LHFPL3: variants seen among roughly 807,000 people sequenced by gnomAD.
The protein encoded by LHFPL3 is LHFPL tetraspan subfamily member 3 protein.
Under a neutral mutation model 19.3 loss-of-function variants are expected in LHFPL3, and 5 were observed. That is an observed-to-expected ratio of 0.26 (90% CI 0.14 to 0.54). LHFPL3 has a LOEUF of 0.54. LHFPL3 is among the 20% of genes least tolerant of loss of function. The probability of loss-of-function intolerance (pLI) is 0.94; values close to 1 mark genes in which losing one functional copy is unlikely to be tolerated. For missense variants in LHFPL3, 249 were observed against 307.4 expected (o/e 0.81, Z 1.42); for synonymous variants, 133 against 126.2 (o/e 1.05, Z -0.36).
At chr7:104,417,806 C>T (rs1791651194) in intron 1 of LHFPL3, among the ~76,000 whole-genome samples, 1 of 151,874 alleles carries the variant, frequency 6.6e-6, no homozygotes, top group Non-Finnish European at 1.5e-5. Context: ...CACGAATGTG[C>T]TCAATGTCAG....
At chr7:104,495,353 G>T (rs1054107431) in intron 1 of LHFPL3, among the ~76,000 whole-genome samples, 2 of 151,858 alleles carry the variant, frequency 1.3e-5, no homozygotes, top group Admixed American at 1.3e-4. Flanking sequence ...GACTACAGGT[G>T]TACACAGCCA....
chr7:104,338,010 T>A (rs1562868234), intron 1 of LHFPL3, among the ~76,000 whole-genome samples: 4 of 151,934 alleles, frequency 2.6e-5, no homozygotes, highest in African/African-American at 7.3e-5. Context: ...ATAATCAACA[T>A]TAGAACTTGG....
chr7:104,751,923 G>C (rs1035603749), intron 2 of LHFPL3, among the ~76,000 whole-genome samples: 2 of 151,810 alleles, frequency 1.3e-5, no homozygotes, highest in Non-Finnish European at 2.9e-5. Context: ...GGTGCCGTAG[G>C]ATTAAGTCTC....
intron 1 of LHFPL3, among the ~76,000 whole-genome samples, chr7:104,734,123 A>G (rs1453868636): frequency 6.6e-6 from 1 of 152,180 alleles, no homozygotes; most frequent in East Asian, 1.9e-4. Flanking sequence ...CTTTGTGGGT[A>G]ACCCGACCTT....
At chr7:104,464,135 T>C (rs2115584288) in intron 1 of LHFPL3, among the ~76,000 whole-genome samples, 1 of 152,354 alleles carries the variant, frequency 6.6e-6, no homozygotes, top group East Asian at 1.9e-4. Flanking sequence ...CCCATGCAAG[T>C]CTGAAATCCA....
chr7:104,476,945 A>G lies in LHFPL3; in HGVS notation c.445+147721A>G, dbSNP rs535011807. On this transcript the variant is annotated intron_variant, in intron 1 of 2. Transcript: ENST00000424859. The stretch of plus-strand genomic sequence containing the variant: ...GAGGAGTTATTGTTGATCTGTGTTG[A>G]ACATCTCATTGTGATGCCAATCTCC... 2.6e-5 allele frequency among the ~76,000 whole-genome samples: 4 copies of G among 152,262 alleles called. No individual in the cohort carries two copies. In the East Asian group the frequency reaches 7.7e-4, roughly 29 times the overall value.
At chr7:104,799,743 C>G (rs1790204502) in intron 2 of LHFPL3, 1 of 152,886 alleles carries the variant, frequency 6.5e-6, no homozygotes, top group South Asian at 2.1e-4. Context: ...ATGGGCATCT[C>G]TCCTAATGAT....
At chr7:104,827,094 T>G (rs1481295630) in intron 2 of LHFPL3, among the ~76,000 whole-genome samples, 1 of 151,974 alleles carries the variant, frequency 6.6e-6, no homozygotes, top group Non-Finnish European at 1.5e-5. Flanking sequence ...TATCGTTTAC[T>G]AGGTAAAGCA....
chr7:104,661,773 A>G (rs1792227639), intron 1 of LHFPL3, among the ~76,000 whole-genome samples: 1 of 152,224 alleles, frequency 6.6e-6, no homozygotes, highest in African/African-American at 2.4e-5. Flanking sequence ...GATTTTTGCA[A>G]CATCAGCATG....
chr7:104,553,338 T>C (rs1794696109), intron 1 of LHFPL3, among the ~76,000 whole-genome samples: 2 of 152,146 alleles, frequency 1.3e-5, no homozygotes, highest in African/African-American at 4.8e-5. Flanking sequence ...GGCACAAAAA[T>C]ATGCTCTTCT....
Position 104,669,220 on chromosome 7 carries a change from C to T in LHFPL3, c.446-67455C>T, listed in dbSNP as rs1310824677. On this transcript the variant is annotated intron_variant, in intron 1 of 2. Transcript: ENST00000424859. ...GAAGCGAAGTTCTAACCCTCCTGCTCGATCTCAGAGCTCAGACACAGAGCA... is the reference window on the plus strand; with the variant it reads ...GAAGCGAAGTTCTAACCCTCCTGCTTGATCTCAGAGCTCAGACACAGAGCA... The T allele has an allele frequency of 3.5e-5, 56 of 1,613,834 alleles. No individual in the cohort carries two copies. In the Middle Eastern group the frequency reaches 4.9e-4, roughly 14 times the overall value.
At chr7:104,877,765 C>T (rs551483924) in intron 2 of LHFPL3, among the ~76,000 whole-genome samples, 44 of 151,926 alleles carry the variant, frequency 2.9e-4, no homozygotes, top group African/African-American at 1.0e-3. Context: ...CAATTCCATG[C>T]TGGGTATGTA....
At chr7:104,503,528 T>C (rs1372045029) in intron 1 of LHFPL3, among the ~76,000 whole-genome samples, 1 of 152,188 alleles carries the variant, frequency 6.6e-6, no homozygotes, top group South Asian at 2.1e-4. Flanking sequence ...TATTTCATAG[T>C]TGGATCATTT....
chr7:104,695,232 G>T (rs1397305327), intron 1 of LHFPL3, among the ~76,000 whole-genome samples: 1 of 152,068 alleles, frequency 6.6e-6, no homozygotes, highest in African/African-American at 2.4e-5. Flanking sequence ...CTCCCAAAGG[G>T]CTGCAATTAC....
At chr7:104,338,080 T>C (rs945347767) in intron 1 of LHFPL3, among the ~76,000 whole-genome samples, 5 of 149,564 alleles carry the variant, frequency 3.3e-5, no homozygotes, top group African/African-American at 7.4e-5. Context: ...ATGATACCTT[T>C]ATTTTCCTTT....
intron 1 of LHFPL3, among the ~76,000 whole-genome samples, chr7:104,488,934 G>T (rs1006115300): frequency 6.6e-6 from 1 of 152,148 alleles, no homozygotes; most frequent in African/African-American, 2.4e-5. Context: ...AGAGAACCGG[G>T]GTTGCATGAC....
chr7:104,904,275 AAAC>A (rs1276521974), intron 2 of LHFPL3, among the ~76,000 whole-genome samples: 2 of 152,196 alleles, frequency 1.3e-5, no homozygotes, highest in Non-Finnish European at 1.5e-5. Flanking sequence ...AACATACCAA[AAAC>A]AACAACAGAA....
chr7:104,368,934 C>G (rs138948132), intron 1 of LHFPL3, among the ~76,000 whole-genome samples: 1 of 152,154 alleles, frequency 6.6e-6, no homozygotes, highest in South Asian at 2.1e-4. Context: ...TACTTACCAG[C>G]CCTTACAGAC....
At chr7:104,363,246 A>G (rs1482006879) in intron 1 of LHFPL3, among the ~76,000 whole-genome samples, 1 of 152,242 alleles carries the variant, frequency 6.6e-6, no homozygotes, top group African/African-American at 2.4e-5. Flanking sequence ...GTTAAAGGCA[A>G]GATACAGTCA....
Sources: allele counts gnomAD v4.1 joint callset (sites outside exome capture counted in the v4.1 genomes callset), GRCh38; gene constraint gnomAD v4.1.1; transcripts MANE v1.5; gene names NCBI Gene and HGNC (gene_info 2026-07-23, HGNC 2026-07-21).